The following CSGALNACT1 variants were observed in gnomAD, a reference collection of about 807,000 sequenced individuals.
CSGALNACT1 encodes the protein chondroitin sulfate N-acetylgalactosaminyltransferase 1.
In CSGALNACT1, 52 loss-of-function variants were observed where a neutral mutation model predicts 51.0. That is an observed-to-expected ratio of 1.02 (90% CI 0.82 to 1.29). The LOEUF (loss-of-function observed/expected upper bound fraction) is 1.29, where lower values mean the gene tolerates loss of function less well. Among genes scored for constraint, CSGALNACT1 ranks in the 50% most tolerant of loss-of-function variants. CSGALNACT1 has a pLI of 0.00. For synonymous variants in CSGALNACT1, 341 were observed against 254.4 expected (o/e 1.34, Z -3.24); for missense variants, 935 against 679.2 (o/e 1.38, Z -4.19).
At chr8:19,635,510 C>A (rs1406995477) in intron 1 of CSGALNACT1, among the ~76,000 whole-genome samples, 2 of 152,156 alleles carry the variant, frequency 1.3e-5, no homozygotes, top group Non-Finnish European at 2.9e-5. Context: ...GGGTGAACCT[C>A]GGCTGCTTCT....
intron 3 of CSGALNACT1, among the ~76,000 whole-genome samples, chr8:19,538,670 G>C (rs913840994): frequency 6.6e-6 from 1 of 152,150 alleles, no homozygotes; most frequent in Admixed American, 6.5e-5. Flanking sequence ...TACAGGCTGG[G>C]AAGAAACAGC....
chr8:19,635,422 T>C (rs2055901197), intron 1 of CSGALNACT1, among the ~76,000 whole-genome samples: 1 of 152,190 alleles, frequency 6.6e-6, no homozygotes. Context: ...CCTCAACGCT[T>C]TGATCTAGGC....
chr8:19,691,343 A>C (rs2061309992), intron 1 of CSGALNACT1, among the ~76,000 whole-genome samples: 1 of 152,190 alleles, frequency 6.6e-6, no homozygotes, highest in South Asian at 2.1e-4. Context: ...ACTGTTTTTG[A>C]CAACACAGCC....
In CSGALNACT1 at chr8:19,584,270, C is replaced by T. The variant is rs144355474; in HGVS notation, c.-297+6890G>A. On this transcript the variant is annotated intron_variant, in intron 3 of 9. Coordinates refer to ENST00000454498, the Ensembl canonical transcript of CSGALNACT1. ...TCCCTAAGCCTGAAAGCTTAGAATCCTGTGGTCCCAGGCAATGTTATTGGT... is the reference window on the plus strand; with the variant it reads ...TCCCTAAGCCTGAAAGCTTAGAATCTTGTGGTCCCAGGCAATGTTATTGGT... Among the ~76,000 whole-genome samples, 326 of 152,284 alleles carry T rather than the reference C, an allele frequency of 2.1e-3. 4 individuals carry two copies. Among genetic ancestry groups the T allele is most frequent in the African/African-American group, 7.1e-3 (297 of 41,562 alleles).
intron 3 of CSGALNACT1, among the ~76,000 whole-genome samples, chr8:19,532,492 G>C (rs570401159): frequency 1.8e-4 from 28 of 152,246 alleles, no homozygotes; most frequent in African/African-American, 6.7e-4. Context: ...CATGACAAAA[G>C]AGCTCCCTAA....
intron 4 of CSGALNACT1, among the ~76,000 whole-genome samples, chr8:19,484,184 G>C (rs920918134): frequency 1.8e-5 from 2 of 114,116 alleles, no homozygotes; most frequent in African/African-American, 6.8e-5. Context: ...AAGCACAAGG[G>C]GAGTGATATA....
At chr8:19,409,519 AGAAACAC>A (rs2055187238) in intron 8 of CSGALNACT1, among the ~76,000 whole-genome samples, 1 of 152,074 alleles carries the variant, frequency 6.6e-6, no homozygotes, top group Admixed American at 6.6e-5. Context: ...AGAGAGAGAG[AGAAACAC>A]ACACACAAAC....
At chr8:19,668,204 C>A (rs1334834532) in intron 1 of CSGALNACT1, among the ~76,000 whole-genome samples, 1 of 152,184 alleles carries the variant, frequency 6.6e-6, no homozygotes, top group Non-Finnish European at 1.5e-5. Flanking sequence ...CACAGCATCT[C>A]ATCACTGCTT....
chr8:19,727,305 A>T (rs940343771), intron 1 of CSGALNACT1, among the ~76,000 whole-genome samples: 2 of 146,790 alleles, frequency 1.4e-5, no homozygotes, highest in African/African-American at 2.5e-5. Flanking sequence ...AGTAATTACA[A>T]AATTGTGTTT....
intron 3 of CSGALNACT1, among the ~76,000 whole-genome samples, chr8:19,527,956 A>C (rs1030024112): frequency 3.9e-5 from 6 of 152,152 alleles, no homozygotes; most frequent in African/African-American, 1.4e-4. Flanking sequence ...AGATAAACTC[A>C]GGGAGAAAAT....
At chr8:19,678,031 C>T (rs914579662) in intron 1 of CSGALNACT1, among the ~76,000 whole-genome samples, 2 of 151,936 alleles carry the variant, frequency 1.3e-5, no homozygotes, top group Admixed American at 1.3e-4. Flanking sequence ...TGCTTGAGCC[C>T]AGGAGGTGGA....
At chr8:19,616,670 C>T (rs1274582963) in intron 1 of CSGALNACT1, among the ~76,000 whole-genome samples, 1 of 151,404 alleles carries the variant, frequency 6.6e-6, no homozygotes. Context: ...GTGTGTGGTA[C>T]CTCCCCCCTC....
At chr8:19,666,805 AAG>A (rs2059240936) in intron 1 of CSGALNACT1, among the ~76,000 whole-genome samples, 2 of 21,152 alleles carry the variant, frequency 9.5e-5, no homozygotes, top group South Asian at 3.4e-3. Flanking sequence ...GAAAGAAAGA[AAG>A]AAAGAGAGAG....
At chr8:19,423,942 A>G (rs2058367358) in intron 6 of CSGALNACT1, among the ~76,000 whole-genome samples, 1 of 152,024 alleles carries the variant, frequency 6.6e-6, no homozygotes, top group Middle Eastern at 3.2e-3. Flanking sequence ...TTCCATGTGG[A>G]CCATATGGGG....
chr8:19,407,855 G>GTGTATATGAATTGTGTGCGCATGTGGA (rs2054610262), intron 9 of CSGALNACT1, among the ~76,000 whole-genome samples: 31 of 91,116 alleles, frequency 3.4e-4, no homozygotes, highest in Middle Eastern at 6.2e-3. Context: ...GCGCATGTGG[G>GTGTATATGAATTGTGTGCGCATGTGGA]CATTTGTGTA....
Position 19,474,054 on chromosome 8 carries a change from G to A in CSGALNACT1, c.635-15412C>T, listed in dbSNP as rs547340002. ...CAAACTGGTACATTGTAAGCCTTTA[G>A]TAAATCTTAGTAAAAAAGAACTAGC... On this transcript the variant is annotated intron_variant, in intron 4 of 9. Coordinates refer to ENST00000454498, the Ensembl canonical transcript of CSGALNACT1. Among the ~76,000 whole-genome samples the A allele has an allele frequency of 2.1e-3, 323 of 152,270 alleles. 3 individuals carry two copies. The highest frequency in any genetic ancestry group is 7.5e-3 in the African/African-American group (312 of 41,562).
chr8:19,715,777 C>G (rs1245267759), intron 1 of CSGALNACT1, among the ~76,000 whole-genome samples: 1 of 152,062 alleles, frequency 6.6e-6, no homozygotes, highest in Non-Finnish European at 1.5e-5. Context: ...TTGAGTTGAT[C>G]TAACTAGGAG....
chr8:19,501,690 T>G (rs1316764562), intron 4 of CSGALNACT1, among the ~76,000 whole-genome samples: 2 of 152,232 alleles, frequency 1.3e-5, no homozygotes, highest in Non-Finnish European at 2.9e-5. Flanking sequence ...CTAATTTGTT[T>G]GATGGGATGA....
chr8:19,563,408 C>T (rs192141758), intron 3 of CSGALNACT1, among the ~76,000 whole-genome samples: 80 of 152,226 alleles, frequency 5.3e-4, no homozygotes, highest in African/African-American at 1.8e-3. Flanking sequence ...CCTGTATATC[C>T]TGCACGTGTA....
Sources: allele counts gnomAD v4.1 joint callset (sites outside exome capture counted in the v4.1 genomes callset), GRCh38; gene constraint gnomAD v4.1.1; transcripts MANE v1.5; gene names NCBI Gene and HGNC (gene_info 2026-07-23, HGNC 2026-07-21).